The following ZFC3H1 variants were observed in gnomAD, a reference collection of about 807,000 sequenced individuals.
ZFC3H1 encodes zinc finger C3H1 domain-containing protein.
In ZFC3H1, 71 loss-of-function variants were observed where a neutral mutation model predicts 243.7. That is an observed-to-expected ratio of 0.29 (90% CI 0.24 to 0.36). The LOEUF (loss-of-function observed/expected upper bound fraction) is 0.36. ZFC3H1 is among the 10% of genes least tolerant of loss of function. ZFC3H1 has a pLI of 1.00. For missense variants in ZFC3H1, 1,966 were observed against 2,317.1 expected (o/e 0.85, Z 3.11); for synonymous variants, 838 against 813.0 (o/e 1.03, Z -0.52).
chr12:71,662,960 G>C (rs879142745), intron 1 of ZFC3H1, 53 bp downstream of exon 1: 1 of 1,492,660 alleles, frequency 6.7e-7, no homozygotes, highest in East Asian at 2.3e-5. Flanking sequence ...TAGTAATGAC[G>C]CTAAAGGGAA....
At position 71,647,784 on chromosome 12, in the gene ZFC3H1, T is replaced by G; in HGVS notation, c.1045A>C (p.Arg349=). ...AGAATATCTGAGGTACTAATTCTTCTTGTTAAATTTTGTTCTTTATCTTGT... is the reference window on the plus strand; with the variant it reads ...AGAATATCTGAGGTACTAATTCTTCGTGTTAAATTTTGTTCTTTATCTTGT... ...GLQDKEQNLT[R]RISTSDILSE... The change falls in exon 3 of 35, where the codon AGA becomes CGA. Residue 349 remains arginine, a synonymous_variant. Transcript: ENST00000378743. The G allele has an allele frequency of 6.9e-7, 1 of 1,451,366 alleles. No individual in the cohort carries two copies. 89.9% of individuals were successfully genotyped at this position (1,451,366 alleles called of 1,614,324 possible).
chr12:71,642,523 G>C lies in ZFC3H1; in HGVS notation c.1540C>G (p.Gln514Glu), dbSNP rs752653262. Reference sequence around the variant, plus strand: ...ATGCCTCCTCCACTATCAGTAGGTTGCTTATCTAAGGATCGCCTCAGGTCA... The same window carrying C: ...ATGCCTCCTCCACTATCAGTAGGTTCCTTATCTAAGGATCGCCTCAGGTCA... ...DPDLRRSLDK[Q>E]PTDSGGGIYQ... The change falls in exon 6 of 35, where the codon CAA becomes GAA. Residue 514 changes from glutamine (Q) to glutamate (E), a missense_variant. Physicochemically the swap from Gln to Glu is conservative, Grantham distance 29. This residue lies in a region of ZFC3H1 where 1,383 missense variants were observed against 1,723.7 expected (regional missense o/e 0.80). Transcript: ENST00000378743. 25 of 1,613,116 alleles carry C rather than the reference G, an allele frequency of 1.5e-5. No homozygotes were observed. The South Asian group carries it at 2.8e-4, about 18-fold the overall frequency.
chr12:71,620,032 T>A lies in ZFC3H1; in HGVS notation c.4943A>T (p.Gln1648Leu). 2 of 1,613,732 alleles carry A rather than the reference T, an allele frequency of 1.2e-6. No homozygotes were observed. The highest frequency in any genetic ancestry group is 1.7e-6 in the Non-Finnish European group (2 of 1,179,920). ...LLEALVALYLQTNQHDKARAV... is the reference protein window; with the variant it reads ...LLEALVALYLLTNQHDKARAV... ...TCTGGCTTTGTCATGCTGATTTGTT[T>A]GCAAATATAATGCAACAAGAGCTTC... The change falls in exon 26 of 35, where the codon CAA becomes CTA. Residue 1648 changes from glutamine to leucine, a missense_variant. Physicochemically the swap from Gln to Leu is moderately radical, Grantham distance 113. Transcript: ENST00000378743.
chr12:71,626,549 G>C (rs1188783999), intron 21 of ZFC3H1, 103 bp from the exon 22 acceptor site: 1 of 1,030,706 alleles, frequency 9.7e-7, no homozygotes, highest in East Asian at 2.6e-5. Flanking sequence ...TTTTCTACTA[G>C]AATTTACCAA....
intron 4 of ZFC3H1, among the ~76,000 whole-genome samples, chr12:71,644,646 G>A (rs1289803307): frequency 1.3e-5 from 2 of 151,896 alleles, no homozygotes; most frequent in East Asian, 1.9e-4. Context: ...GCCAAACCCC[G>A]TCTCTACTAA....
chr12:71,625,534 A>T (rs2137527316), intron 22 of ZFC3H1, among the ~76,000 whole-genome samples: 1 of 152,236 alleles, frequency 6.6e-6, no homozygotes, highest in African/African-American at 2.4e-5. Context: ...TCTACAAAAA[A>T]TCTAAAAACT....
At chr12:71,624,390 T>C in intron 22 of ZFC3H1, 98 bp from the exon 23 acceptor site, 1 of 1,259,092 alleles carries the variant, frequency 7.9e-7, no homozygotes, top group Non-Finnish European at 1.1e-6. Context: ...TCATAGTAAA[T>C]CTTCAACTTC....
intron 22 of ZFC3H1, among the ~76,000 whole-genome samples, chr12:71,625,086 T>C (rs1880129148): frequency 6.6e-6 from 1 of 152,242 alleles, no homozygotes; most frequent in Non-Finnish European, 1.5e-5. Flanking sequence ...CTTGTAGTGA[T>C]AACAGCATTC....
chr12:71,644,685 G>C (rs1300065435), intron 4 of ZFC3H1, among the ~76,000 whole-genome samples, 192 bp downstream of exon 4: 1 of 152,170 alleles, frequency 6.6e-6, no homozygotes, highest in Non-Finnish European at 1.5e-5. Flanking sequence ...AGGCGTGGTG[G>C]TGGGCGCCTG....
At chr12:71,624,697 G>T (rs1030725349) in intron 22 of ZFC3H1, among the ~76,000 whole-genome samples, 1 of 152,204 alleles carries the variant, frequency 6.6e-6, no homozygotes, top group South Asian at 2.1e-4. Flanking sequence ...GAAATGTGCT[G>T]GACGCGATGG....
At chr12:71,624,591 A>G (rs1193757659) in intron 22 of ZFC3H1, among the ~76,000 whole-genome samples, 1 of 152,246 alleles carries the variant, frequency 6.6e-6, no homozygotes, top group Non-Finnish European at 1.5e-5. Context: ...CAGCAAGATC[A>G]TGATGAATAT....
At chr12:71,628,313 A>T (rs143986209) in intron 20 of ZFC3H1, among the ~76,000 whole-genome samples, 1 of 152,254 alleles carries the variant, frequency 6.6e-6, no homozygotes, top group Non-Finnish European at 1.5e-5. Flanking sequence ...GTCATAATTT[A>T]TAAAGATTAT....
chr12:71,612,980 G>A lies in ZFC3H1; in HGVS notation c.5627+355C>T, dbSNP rs565557951. Among the ~76,000 whole-genome samples the A allele has an allele frequency of 4.6e-5, 7 of 152,286 alleles. No individual in the cohort carries two copies. The South Asian group carries it at 1.2e-3, about 27-fold the overall frequency. On this transcript the variant is annotated intron_variant, in intron 31 of 34. Transcript: ENST00000378743. ...CAATATTTGAGAGCAACTGACCTAG[G>A]TGAAAATATGAAAACATCTTAAATA...
At chr12:71,642,674 T>C (rs1880629108) in intron 5 of ZFC3H1, 115 bp from the exon 6 acceptor site, 7 of 1,188,862 alleles carry the variant, frequency 5.9e-6, no homozygotes, top group Non-Finnish European at 8.1e-6. Flanking sequence ...GTGATTCAGT[T>C]AGATGTGCCT....
At chr12:71,638,315 A>G (rs1415029608) in intron 7 of ZFC3H1, 103 bp downstream of exon 7, 3 of 1,116,748 alleles carry the variant, frequency 2.7e-6, no homozygotes, top group Admixed American at 5.1e-5. Flanking sequence ...TTGGTAAGCA[A>G]TTCTGATTTT....
At position 71,632,981 on chromosome 12, in the gene ZFC3H1, CT is replaced by C; in HGVS notation, c.2721del (p.Ala908LeufsTer2). ...HRVQQRVTIK[K>X]ALTLKYGEEL... is the part of the protein sequence containing the mutation. ...TCTTCTCCATATTTTAGAGTCAAAG[CT>C]TTCTTAATTGTAACACGCTGTTGAA... On this transcript the variant is annotated frameshift_variant, in exon 14 of 35. Transcript: ENST00000378743. LOFTEE classifies it high-confidence loss of function. 1 of 1,612,750 alleles carries C rather than the reference CT, an allele frequency of 6.2e-7. No individual in the cohort carries two copies. The highest frequency in any genetic ancestry group is 8.5e-7 in the Non-Finnish European group (1 of 1,179,580).
At chr12:71,613,990 A>T (rs970382007) in intron 30 of ZFC3H1, among the ~76,000 whole-genome samples, 9 of 152,022 alleles carry the variant, frequency 5.9e-5, no homozygotes, top group African/African-American at 2.2e-4. Context: ...CTGAAAAAAA[A>T]TTTTTTTAAA....
At chr12:71,646,874 T>A (rs1022669632) in intron 3 of ZFC3H1, among the ~76,000 whole-genome samples, 8 of 152,258 alleles carry the variant, frequency 5.3e-5, no homozygotes, top group African/African-American at 1.9e-4. Flanking sequence ...CTAAGCTCGT[T>A]AGTTCCCACT....
chr12:71,635,564 G>T lies in ZFC3H1; in HGVS notation c.2117C>A (p.Ser706Ter). 6.5e-7 allele frequency: 1 copy of T among 1,544,702 alleles called. No individual in the cohort carries two copies. Among genetic ancestry groups the T allele is most frequent in the East Asian group, 2.4e-5 (1 of 41,222 alleles). The change falls in exon 10 of 35, where the codon TCA becomes TAA. Residue 706 changes from serine (S) to a stop codon, truncating the protein, a stop_gained. Coordinates refer to ENST00000378743, the MANE Select transcript of ZFC3H1 (RefSeq NM_144982.5). LOFTEE classifies it high-confidence loss of function. The part of the protein sequence containing the change: ...RTVISLPKHK[S>*]VVVTLNDSDD... Reference sequence around the variant, plus strand: ...TGAATCATTTAGTGTTACAACCACTGATTTATGCTTTGGAAGCTGCAAAGA... The same window carrying T: ...TGAATCATTTAGTGTTACAACCACTTATTTATGCTTTGGAAGCTGCAAAGA...
Sources: allele counts gnomAD v4.1 joint callset (sites outside exome capture counted in the v4.1 genomes callset), GRCh38; gene constraint gnomAD v4.1.1; regional missense constraint gnomAD v4.1.1; transcripts MANE v1.5; gene names NCBI Gene and HGNC (gene_info 2026-07-23, HGNC 2026-07-21).